Variants in ARSG observed in about 807,000 individuals in gnomAD.
ARSG encodes the protein ASG.
Under a neutral mutation model 50.5 loss-of-function variants are expected in ARSG, and 37 were observed. That is an observed-to-expected ratio of 0.73 (90% CI 0.56 to 0.96). The LOEUF (loss-of-function observed/expected upper bound fraction) is 0.96, where lower values mean the gene tolerates loss of function less well. ARSG is among the 50% of genes least tolerant of loss of function. The probability of loss-of-function intolerance (pLI) is 0.00; values close to 1 mark genes in which losing one functional copy is unlikely to be tolerated. For synonymous variants in ARSG, 225 were observed against 254.6 expected, an observed-to-expected ratio of 0.88 and a Z score of 1.11; for missense variants, 629 against 675.3, an observed-to-expected ratio of 0.93 and a Z score of 0.76.
intron 5 of ARSG, 54 bp from the exon 6 acceptor site, chr17:68,356,613 T>C: frequency 6.2e-7 from 1 of 1,605,500 alleles, no homozygotes; most frequent in Non-Finnish European, 8.5e-7. Flanking sequence ...CATTTAGTTC[T>C]GCTCCGTGAG....
Position 68,387,079 on chromosome 17 carries a change from T to TCA in ARSG, c.1091+1946_1091+1947dup, listed in dbSNP as rs72320984. ...TCGCACCAACCTAATATATAGTGTA[T>TCA]CACACACACACACACACACACACAC... is the stretch of plus-strand genomic sequence containing the variant. On this transcript the variant is annotated intron_variant, in intron 9 of 11. Coordinates refer to ENST00000621439, the MANE Select transcript of ARSG (RefSeq NM_001267727.2). Among the ~76,000 whole-genome samples, 177 of 146,416 alleles carry TCA rather than the reference T, an allele frequency of 1.2e-3. 1 individual carries two copies. The highest frequency in any genetic ancestry group is 3.6e-3 in the African/African-American group (145 of 39,868).
At chr17:68,418,763 G>T (rs1349321238) in intron 11 of ARSG, among the ~76,000 whole-genome samples, 2 of 151,910 alleles carry the variant, frequency 1.3e-5, no homozygotes, top group African/African-American at 4.8e-5. Context: ...CATCCTACAG[G>T]GTCCCCTGTA....
the ARSG span, among the ~76,000 whole-genome samples, chr17:68,435,074 G>C: frequency 6.6e-6 from 1 of 152,166 alleles, no homozygotes; most frequent in South Asian, 2.1e-4. Context: ...AGGCGTGGCA[G>C]CATGTGCCTG....
At chr17:68,450,244 G>A in the ARSG span, among the ~76,000 whole-genome samples, 1 of 152,246 alleles carries the variant, frequency 6.6e-6, no homozygotes, top group African/African-American at 2.4e-5. Flanking sequence ...CCTTCCAGGA[G>A]AGCTGAGGAC....
chr17:68,344,218 C>T (rs942866924), intron 3 of ARSG, among the ~76,000 whole-genome samples: 19 of 152,196 alleles, frequency 1.2e-4, no homozygotes, highest in Admixed American at 1.2e-3. Flanking sequence ...GCTCTGCCTG[C>T]ACCCCAAGAA....
In ARSG at chr17:68,420,468, C is replaced by A; in HGVS notation, c.*5C>A. 1.9e-6 allele frequency: 3 copies of A among 1,603,588 alleles called. No individual in the cohort carries two copies. Among genetic ancestry groups the A allele is most frequent in the Non-Finnish European group, 2.6e-6 (3 of 1,172,448 alleles). On this transcript the variant is annotated 3_prime_UTR_variant, in exon 12 of 12. Coordinates refer to ENST00000621439, the MANE Select transcript of ARSG (RefSeq NM_001267727.2). ...TGCCGCTGTCAAGCCGCATAACAGA[C>A]CAATTTTTATTCCACGAGGAGGAGT...
In ARSG at chr17:68,274,129, TA is replaced by T. The variant is rs1317764815; in HGVS notation, c.-552+14705del. 1.2e-4 allele frequency: 180 copies of T among 1,563,602 alleles called. 1 individual carries two copies. In the African/African-American group the frequency reaches 2.2e-3, roughly 19 times the overall value. On this transcript the variant is annotated intron_variant, in intron 1 of 11. Coordinates refer to the ARSG transcript ENST00000448504. Reference sequence around the variant, plus strand: ...ACAGAGGCTTCAGGGTTAGCTGCCATAAGACTCCTTCCTCCACGTCTTGCAC... The same window carrying T: ...ACAGAGGCTTCAGGGTTAGCTGCCATAGACTCCTTCCTCCACGTCTTGCAC...
chr17:68,307,446 G>A lies in ARSG; in HGVS notation c.-48G>A, dbSNP rs782387519. 3.4e-6 allele frequency: 5 copies of A among 1,472,476 alleles called. No individual in the cohort carries two copies. Among genetic ancestry groups the A allele is most frequent in the South Asian group, 1.2e-5 (1 of 85,568 alleles). 91.2% of individuals were successfully genotyped at this position (1,472,476 alleles called of 1,614,324 possible). A position where few individuals can be genotyped will look rare whatever the true frequency, so the allele number is the denominator to read the frequency against. ...AAGGAAGCTCTCAGAAAAATCTCTA[G>A]TGGTGGCTGCCGTCGCTCCAGACAA... is the stretch of plus-strand genomic sequence containing the variant. On this transcript the variant is annotated 5_prime_UTR_variant, in exon 2 of 12. It adds an upstream start codon to the 5' untranslated region. Coordinates refer to ENST00000621439, the MANE Select transcript of ARSG (RefSeq NM_001267727.2).
At chr17:68,353,554 G>T (rs917700630) in intron 5 of ARSG, among the ~76,000 whole-genome samples, 1 of 152,118 alleles carries the variant, frequency 6.6e-6, no homozygotes, top group Middle Eastern at 3.2e-3. Context: ...CAGGGATTCT[G>T]CACATTATGG....
At position 68,420,429 on chromosome 17, in the gene ARSG, C is replaced by T. The variant is rs1555796341; in HGVS notation, c.1544C>T (p.Pro515Leu). The part of the protein sequence containing the change: ...QDPSVTPCCN[P>L]YQIACRCQAA Reference sequence around the variant, plus strand: ...CCTTCAGTAACTCCCTGCTGTAATCCCTACCAAATTGCCTGCCGCTGTCAA... The same window carrying T: ...CCTTCAGTAACTCCCTGCTGTAATCTCTACCAAATTGCCTGCCGCTGTCAA... The change falls in exon 12 of 12, where the codon CCC becomes CTC. Residue 515 changes from proline (P) to leucine (L), a missense_variant. By Grantham distance (98) the Pro-to-Leu change is moderately conservative. Transcript: ENST00000621439. The T allele has an allele frequency of 6.2e-7, 1 of 1,614,110 alleles. No homozygotes were observed. The highest frequency in any genetic ancestry group is 8.5e-7 in the Non-Finnish European group (1 of 1,179,960).
In ARSG at chr17:68,307,606, TTG is replaced by T; in HGVS notation, c.116_117del (p.Val39AspfsTer6). ...AAAACAAGAGGACAGAAGCCAAACTTTGTGATTATTTTGGCCGATGACATGGG... is the reference window on the plus strand; with the variant it reads ...AAAACAAGAGGACAGAAGCCAAACTTTGATTATTTTGGCCGATGACATGGG... On this transcript the variant is annotated frameshift_variant, in exon 2 of 12. Coordinates refer to ENST00000621439, the MANE Select transcript of ARSG (RefSeq NM_001267727.2). LOFTEE classifies it high-confidence loss of function. The T allele has an allele frequency of 6.2e-7, 1 of 1,613,800 alleles. No individual in the cohort carries two copies. Among genetic ancestry groups the T allele is most frequent in the Non-Finnish European group, 8.5e-7 (1 of 1,179,756 alleles).
At chr17:68,332,825 C>G (rs2077835004) in intron 2 of ARSG, among the ~76,000 whole-genome samples, 3 of 152,176 alleles carry the variant, frequency 2.0e-5, no homozygotes, top group Non-Finnish European at 4.4e-5. Context: ...TTACTGGGTT[C>G]CATGAATTTT....
At chr17:68,303,297 T>A (rs1014536974) in intron 1 of ARSG, among the ~76,000 whole-genome samples, 5 of 152,062 alleles carry the variant, frequency 3.3e-5, no homozygotes, top group East Asian at 1.9e-4. Context: ...GCTAATTTTT[T>A]AATTTTTTTG....
chr17:68,451,326 C>T, the ARSG span, among the ~76,000 whole-genome samples: 3 of 152,104 alleles, frequency 2.0e-5, no homozygotes, highest in South Asian at 2.1e-4. Flanking sequence ...CTCAGCTACT[C>T]GGGAGGCTGA....
the ARSG span, among the ~76,000 whole-genome samples, chr17:68,438,162 G>C: frequency 6.6e-6 from 1 of 152,158 alleles, no homozygotes; most frequent in Non-Finnish European, 1.5e-5. Flanking sequence ...TGAGTCCACA[G>C]CAGGGCTGTC....
intron 6 of ARSG, among the ~76,000 whole-genome samples, chr17:68,366,671 TTATG>T (rs764782459): frequency 2.4e-5 from 3 of 122,614 alleles, no homozygotes; most frequent in Admixed American, 1.7e-4. Flanking sequence ...GGCTAGGAAT[TTATG>T]TATGTGTGTG....
At chr17:68,284,393 AAAAT>A (rs1482100193) in intron 1 of ARSG, among the ~76,000 whole-genome samples, 67 of 152,282 alleles carry the variant, frequency 4.4e-4, no homozygotes, top group African/African-American at 1.6e-3. Context: ...GACTCTGTCT[AAAAT>A]AAATAAATAA....
Position 68,271,371 on chromosome 17 carries a change from G to T in ARSG, c.-552+11945G>T, listed in dbSNP as rs142658044. 1.5e-4 allele frequency: 236 copies of T among 1,613,476 alleles called. 2 individuals carry two copies. The highest frequency in any genetic ancestry group is 2.5e-4 in the East Asian group (11 of 44,896). On this transcript the variant is annotated intron_variant, in intron 1 of 11. Transcript: ENST00000448504. The surrounding 1 kb of genome is among the most constrained non-coding windows in gnomAD (Gnocchi z 5.3). The stretch of plus-strand genomic sequence containing the variant: ...TCTTCACCAGGACCTGCTGCATGTC[G>T]GCCTTCGGCTCCAGTTCCAGGTTAG...
chr17:68,406,587 A>T (rs1234071571), intron 11 of ARSG, among the ~76,000 whole-genome samples: 3 of 152,132 alleles, frequency 2.0e-5, no homozygotes, highest in Non-Finnish European at 4.4e-5. Flanking sequence ...TGCAGGAATG[A>T]GGTGGTATCA....
Sources: allele counts gnomAD v4.1 joint callset (sites outside exome capture counted in the v4.1 genomes callset), GRCh38; gene constraint gnomAD v4.1.1; non-coding constraint Gnocchi (gnomAD v3.1); transcripts MANE v1.5; gene names NCBI Gene and HGNC (gene_info 2026-07-23, HGNC 2026-07-21).